The following KDM1B variants were observed in gnomAD, a reference collection of about 807,000 sequenced individuals.
KDM1B encodes lysine-specific histone demethylase 2.
Under a neutral mutation model 107.4 loss-of-function variants are expected in KDM1B, and 63 were observed. The ratio of observed to expected loss-of-function variants is 0.59; its 90% CI spans 0.48 to 0.72. KDM1B has a LOEUF of 0.72. KDM1B is among the 30% of genes least tolerant of loss of function. The pLI is 0.00. For synonymous variants in KDM1B, 363 were observed against 363.9 expected, an observed-to-expected ratio of 1.00 and a Z score of 0.03; for missense variants, 749 against 1,020.8, an observed-to-expected ratio of 0.73 and a Z score of 3.63.
At chr6:18,221,829 A>G (rs1789775188) in intron 21 of KDM1B, 80 bp from the exon 22 acceptor site, 1 of 1,139,854 alleles carries the variant, frequency 8.8e-7, no homozygotes, top group Non-Finnish European at 1.3e-6. Flanking sequence ...GTTAGACCAG[A>G]TAAAGTCTAA....
In KDM1B at chr6:18,222,639, C is replaced by T. The variant is rs1789846764; in HGVS notation, c.*647C>T. 1 of 162,326 alleles carries T rather than the reference C, an allele frequency of 6.2e-6. No individual in the cohort carries two copies. Among genetic ancestry groups the T allele is most frequent in the Non-Finnish European group, 1.3e-5 (1 of 74,638 alleles). 10.1% of individuals were successfully genotyped at this position (162,326 alleles called of 1,614,324 possible). A position where few individuals can be genotyped will look rare whatever the true frequency, so the allele number is the denominator to read the frequency against. On this transcript the variant is annotated 3_prime_UTR_variant, in exon 22 of 22. Coordinates refer to ENST00000650836, the MANE Select transcript of KDM1B (RefSeq NM_001364614.2). Reference sequence around the variant, plus strand: ...TGTGATAAAATGTTTTAGATTTGTGCACCCATTGGCAAAACAGGAAAGTTT... The same window carrying T: ...TGTGATAAAATGTTTTAGATTTGTGTACCCATTGGCAAAACAGGAAAGTTT...
chr6:18,211,369 C>T lies in KDM1B; in HGVS notation c.1867-1119C>T, dbSNP rs1221355096. On this transcript the variant is annotated intron_variant, in intron 17 of 21. Coordinates refer to ENST00000650836, the MANE Select transcript of KDM1B (RefSeq NM_001364614.2). This position sits in a 1 kb window ranked among gnomAD's most constrained non-coding sequence, Gnocchi z 5.2. ...AGAAAGCAAATACACACACTCTTCCCCAACTCCCTACAGCAGGTTTCTAAA... is the reference window on the plus strand; with the variant it reads ...AGAAAGCAAATACACACACTCTTCCTCAACTCCCTACAGCAGGTTTCTAAA... 6.6e-6 allele frequency: 1 copy of T among 152,248 alleles called. No individual in the cohort carries two copies. The highest frequency in any genetic ancestry group is 2.4e-5 in the African/African-American group (1 of 41,452). 9.4% of individuals were successfully genotyped at this position (152,248 alleles called of 1,614,324 possible).
chr6:18,214,985 G>GT lies in KDM1B; in HGVS notation c.2110-22_2110-21insT. On this transcript the variant is annotated intron_variant, in intron 19 of 21. Transcript: ENST00000650836. This position sits in a 1 kb window ranked among gnomAD's most constrained non-coding sequence, Gnocchi z 4.4. ...GGAGCTGAGCACTCACAGACCTCCT[G>GT]CTTTTCCTTTCATGTCTCCAGAAGA... 2 of 1,612,698 alleles carry GT rather than the reference G, an allele frequency of 1.2e-6. No homozygotes were observed. The highest frequency in any genetic ancestry group is 1.7e-6 in the Non-Finnish European group (2 of 1,179,360).
At chr6:18,158,155 A>G (rs1369286781) in intron 2 of KDM1B, among the ~76,000 whole-genome samples, 3 of 152,058 alleles carry the variant, frequency 2.0e-5, no homozygotes, top group African/African-American at 4.8e-5. Flanking sequence ...CTCCAACAGT[A>G]TGATAGATGT....
rs1789962986 is a variant in KDM1B at position 18,223,615 on chromosome 6, C to G, written c.*1623C>G. On this transcript the variant is annotated 3_prime_UTR_variant, in exon 22 of 22. Transcript: ENST00000650836. ...AACTGTGCTACAAGTAGGGGAAAAC[C>G]TACTTTAAAGTATGGTAAATGTGTG... 1 of 152,018 alleles carries G rather than the reference C, an allele frequency of 6.6e-6. No homozygotes were observed. Among genetic ancestry groups the G allele is most frequent in the Non-Finnish European group, 1.5e-5 (1 of 68,010 alleles). 9.4% of individuals were successfully genotyped at this position (152,018 alleles called of 1,614,324 possible). A position where few individuals can be genotyped will look rare whatever the true frequency, so the allele number is the denominator to read the frequency against.
chr6:18,182,775 C>T (rs919697885), intron 7 of KDM1B, among the ~76,000 whole-genome samples: 1 of 152,156 alleles, frequency 6.6e-6, no homozygotes, highest in Non-Finnish European at 1.5e-5. Flanking sequence ...AAGTGATCCT[C>T]CCACCTTGGT....
chr6:18,198,967 G>C (rs1423175097), intron 12 of KDM1B, among the ~76,000 whole-genome samples: 1 of 126,610 alleles, frequency 7.9e-6, no homozygotes, highest in Non-Finnish European at 1.6e-5. Flanking sequence ...TCAGGAGTTT[G>C]AGATCAGCCT....
chr6:18,207,248 C>T, intron 15 of KDM1B, 150 bp from the exon 16 acceptor site: 1 of 653,994 alleles, frequency 1.5e-6, no homozygotes. Flanking sequence ...GAGATTTCCT[C>T]CCCCAGTGGT....
Position 18,200,467 on chromosome 6 carries a change from T to C in KDM1B, c.1250T>C (p.Ile417Thr), listed in dbSNP as rs1222347190. The C allele has an allele frequency of 1.2e-6, 2 of 1,614,118 alleles. No individual in the cohort carries two copies. The highest frequency in any genetic ancestry group is 1.7e-6 in the Non-Finnish European group (2 of 1,180,006). Residue 417 changes from isoleucine (I) to threonine (T), a missense_variant, in exon 13 of 22, where the codon ATT becomes ACT. Transcript: ENST00000650836. The surrounding 1 kb of genome is among the most constrained non-coding windows in gnomAD (Gnocchi z 4.3). ...ACTGTCCTGGAAGCCAAAGACAGAA[T>C]TGGAGGCCGAGTCTGGGATGATAAA... is the stretch of plus-strand genomic sequence containing the variant. Reference protein sequence around the residue: ...KVTVLEAKDRIGGRVWDDKSF... With the variant: ...KVTVLEAKDRTGGRVWDDKSF...
chr6:18,161,575 A>AAT, intron 4 of KDM1B, 121 bp downstream of exon 4: 1 of 1,049,938 alleles, frequency 9.5e-7, no homozygotes, highest in Non-Finnish European at 1.4e-6. Context: ...CATCTAATCT[A>AAT]ATAATAGAGA....
rs566504915 is a variant in KDM1B at position 18,211,602 on chromosome 6, C to T, written c.1867-886C>T. ...GTAAGGCATGCATGTTGCTGGTGCA[C>T]GTGGTTCTGTATGTGGCATGATTCT... On this transcript the variant is annotated intron_variant, in intron 17 of 21. Coordinates refer to ENST00000650836, the MANE Select transcript of KDM1B (RefSeq NM_001364614.2). The surrounding 1 kb of genome is among the most constrained non-coding windows in gnomAD (Gnocchi z 5.2). 5.9e-5 allele frequency: 9 copies of T among 152,356 alleles called. No homozygotes were observed. The highest frequency in any genetic ancestry group is 1.7e-4 in the African/African-American group (7 of 41,558). 9.4% of individuals were successfully genotyped at this position (152,356 alleles called of 1,614,324 possible). A position where few individuals can be genotyped will look rare whatever the true frequency, so the allele number is the denominator to read the frequency against.
At chr6:18,157,788 A>C (rs569730882) in intron 2 of KDM1B, among the ~76,000 whole-genome samples, 125 of 151,110 alleles carry the variant, frequency 8.3e-4, no homozygotes, top group Non-Finnish European at 1.5e-3. Flanking sequence ...TTTGGGTATA[A>C]CAATTATAGG....
At chr6:18,181,285 T>A (rs1041511145) in intron 7 of KDM1B, among the ~76,000 whole-genome samples, 5 of 152,216 alleles carry the variant, frequency 3.3e-5, no homozygotes, top group Non-Finnish European at 7.3e-5. Context: ...ACAGATAGCT[T>A]CCTGTTAAGG....
At chr6:18,183,033 G>T (rs1015569516) in intron 7 of KDM1B, among the ~76,000 whole-genome samples, 1 of 152,108 alleles carries the variant, frequency 6.6e-6, no homozygotes, top group African/African-American at 2.4e-5. Context: ...GTATCAAAGG[G>T]TAGATGCTAT....
At chr6:18,219,054 C>T (rs1789466583) in intron 21 of KDM1B, among the ~76,000 whole-genome samples, 1 of 152,102 alleles carries the variant, frequency 6.6e-6, no homozygotes. Context: ...AGGCGCCCGC[C>T]ACCACGCCCG....
At chr6:18,164,908 A>G (rs1035480076) in intron 5 of KDM1B, among the ~76,000 whole-genome samples, 3 of 152,100 alleles carry the variant, frequency 2.0e-5, no homozygotes, top group Admixed American at 2.0e-4. Flanking sequence ...GTCCTCCCAA[A>G]GTGCTGGGAT....
intron 6 of KDM1B, 107 bp from the exon 7 acceptor site, chr6:18,171,256 A>G: frequency 1.4e-6 from 1 of 740,184 alleles, no homozygotes; most frequent in Non-Finnish European, 2.5e-6. Context: ...GAGAAAAAAT[A>G]CTTAGGATTG....
Position 18,161,312 on chromosome 6 carries a change from C to T in KDM1B, c.88-15C>T. The T allele has an allele frequency of 1.2e-6, 2 of 1,613,016 alleles. No individual in the cohort carries two copies. The highest frequency in any genetic ancestry group is 1.7e-6 in the Non-Finnish European group (2 of 1,179,370). On this transcript the variant is annotated splice_polypyrimidine_tract_variant and intron_variant, in intron 3 of 21. Transcript: ENST00000650836. Reference sequence around the variant, plus strand: ...ATCATCAGTGAAATTTTAACATCAGCTGTGACTCCCTTAGGCGAAGAAGAA... The same window carrying T: ...ATCATCAGTGAAATTTTAACATCAGTTGTGACTCCCTTAGGCGAAGAAGAA...
At position 18,214,066 on chromosome 6, in the gene KDM1B, G is replaced by T. The variant is rs1789046567; in HGVS notation, c.2109+285G>T. Among the ~76,000 whole-genome samples, 2 of 152,152 alleles carry T rather than the reference G, an allele frequency of 1.3e-5. No individual in the cohort carries two copies. The highest frequency in any genetic ancestry group is 6.5e-5 in the Admixed American group (1 of 15,278). On this transcript the variant is annotated intron_variant, in intron 19 of 21. Coordinates refer to ENST00000650836, the MANE Select transcript of KDM1B (RefSeq NM_001364614.2). The surrounding 1 kb of genome is among the most constrained non-coding windows in gnomAD (Gnocchi z 4.4). ...GGGGGAATTCCTCTTAGGTGAAGTT[G>T]GAGACATCAGAGTCAATGAGTGGTG... is the stretch of plus-strand genomic sequence containing the variant.
Sources: gnomAD v4.1 joint callset for allele counts (sites outside exome capture counted in the v4.1 genomes callset) on GRCh38, gnomAD v4.1.1 for gene constraint, Gnocchi (gnomAD v3.1) non-coding constraint, MANE v1.5 for transcripts, NCBI Gene and HGNC (gene_info 2026-07-23, HGNC 2026-07-21) for gene names.